The following ZNF423 variants were observed in gnomAD, a reference collection of about 807,000 sequenced individuals.
ZNF423 encodes the protein zinc finger protein 423, also known as Ebf-associated zinc finger protein.
In ZNF423, 12 loss-of-function variants were observed where a neutral mutation model predicts 95.8. The ratio of observed to expected loss-of-function variants is 0.13; its 90% CI spans 0.08 to 0.20. The LOEUF (loss-of-function observed/expected upper bound fraction) is 0.20. Among genes scored for constraint, ZNF423 ranks in the 10% least tolerant of loss-of-function variants. The pLI, the probability that ZNF423 is intolerant of heterozygous loss-of-function variation, is 1.00. For synonymous variants in ZNF423, 749 were observed against 711.9 expected (o/e 1.05, Z -0.83); for missense variants, 1,316 against 1,737.1 (o/e 0.76, Z 4.31).
chr16:49,854,865 C>G, intron 1 of ZNF423: 1 of 985,380 alleles, frequency 1.0e-6, no homozygotes, highest in South Asian at 4.7e-5. Flanking sequence ...TCCCCACAAA[C>G]GCGCGCACCC....
chr16:49,718,111 A>G (rs1016019836), intron 3 of ZNF423, among the ~76,000 whole-genome samples: 1 of 152,162 alleles, frequency 6.6e-6, no homozygotes, highest in African/African-American at 2.4e-5. Context: ...CCCAGCACAC[A>G]GTAGATGCTT....
intron 1 of ZNF423, among the ~76,000 whole-genome samples, chr16:49,791,621 G>C (rs530912512): frequency 6.6e-6 from 1 of 152,178 alleles, no homozygotes; most frequent in African/African-American, 2.4e-5. Context: ...AAAGGTATAT[G>C]AGCTGATAAA....
chr16:49,682,855 T>C (rs2031419237), intron 3 of ZNF423, among the ~76,000 whole-genome samples: 1 of 152,214 alleles, frequency 6.6e-6, no homozygotes. Flanking sequence ...ATCTGCACTG[T>C]GTATTGGCGG....
intron 5 of ZNF423, among the ~76,000 whole-genome samples, chr16:49,548,268 A>T (rs1037445152): frequency 5.9e-5 from 9 of 152,200 alleles, no homozygotes; most frequent in Non-Finnish European, 1.0e-4. Context: ...ATTTATCAAC[A>T]TTATTATATA....
chr16:49,678,020 T>A (rs1402769281), intron 3 of ZNF423, among the ~76,000 whole-genome samples: 5 of 151,866 alleles, frequency 3.3e-5, no homozygotes, highest in Admixed American at 3.3e-4. Context: ...CTGTCTCTAC[T>A]AAAAAGACAA....
intron 1 of ZNF423, among the ~76,000 whole-genome samples, chr16:49,801,948 A>G (rs9932035): frequency 0.33 from 50,154 of 151,950 alleles, 8,455 homozygotes; most frequent in Non-Finnish European, 0.36. Context: ...TCCTGGGCTC[A>G]AGTGATCCTC....
At chr16:49,680,596 T>C (rs1020314101) in intron 3 of ZNF423, among the ~76,000 whole-genome samples, 8 of 152,188 alleles carry the variant, frequency 5.3e-5, no homozygotes, top group African/African-American at 1.9e-4. Context: ...CGGACACCAC[T>C]GCATTCCCCA....
intron 7 of ZNF423, among the ~76,000 whole-genome samples, chr16:49,496,989 A>G (rs1347619987): frequency 1.3e-5 from 2 of 152,174 alleles, no homozygotes; most frequent in Non-Finnish European, 2.9e-5. Context: ...AACAATCCCG[A>G]GATGGCTGAA....
At chr16:49,595,767 AT>A (rs932318575) in intron 5 of ZNF423, among the ~76,000 whole-genome samples, 6 of 152,332 alleles carry the variant, frequency 3.9e-5, no homozygotes, top group African/African-American at 4.8e-5. Flanking sequence ...TTTTGTCAAT[AT>A]TTTTTTATTA....
At chr16:49,513,824 G>A (rs1038715323) in intron 7 of ZNF423, among the ~76,000 whole-genome samples, 5 of 152,138 alleles carry the variant, frequency 3.3e-5, no homozygotes, top group African/African-American at 7.2e-5. Flanking sequence ...AGGAGAATCC[G>A]AGAGGCTTCT....
At chr16:49,791,296 TCAAGACC>T (rs1430496392) in intron 1 of ZNF423, among the ~76,000 whole-genome samples, 54 of 152,128 alleles carry the variant, frequency 3.5e-4, no homozygotes, top group Admixed American at 3.5e-3. Context: ...TAAATAGCAA[TCAAGACC>T]TCGTGTCAGA....
chr16:49,839,644 C>T (rs906577190), intron 1 of ZNF423, among the ~76,000 whole-genome samples: 1 of 152,170 alleles, frequency 6.6e-6, no homozygotes, highest in South Asian at 2.1e-4. Flanking sequence ...GAAACAGCCC[C>T]AAGGAACTGA....
chr16:49,856,809 C>T (rs1567374437), upstream of ZNF423, among the ~76,000 whole-genome samples: 1 of 148,104 alleles, frequency 6.8e-6, no homozygotes. Flanking sequence ...GGCGCGCAGC[C>T]GATCCCCAGG....
intron 3 of ZNF423, among the ~76,000 whole-genome samples, chr16:49,709,968 T>A (rs1480564364): frequency 6.6e-6 from 1 of 151,972 alleles, no homozygotes; most frequent in Non-Finnish European, 1.5e-5. Flanking sequence ...ATCAGGGAGG[T>A]TGCTACTGGC....
intron 5 of ZNF423, among the ~76,000 whole-genome samples, chr16:49,601,857 G>T (rs1165453872): frequency 1.3e-5 from 2 of 152,340 alleles, no homozygotes; most frequent in Middle Eastern, 3.4e-3. Context: ...AAACAGATGG[G>T]CAGCCTCAGG....
At chr16:49,790,024 C>T (rs1015593321) in intron 1 of ZNF423, among the ~76,000 whole-genome samples, 1 of 152,182 alleles carries the variant, frequency 6.6e-6, no homozygotes, top group Non-Finnish European at 1.5e-5. Flanking sequence ...ACCCAGGACC[C>T]CACAGAACCA....
At chr16:49,646,197 G>C (rs1973163415) in intron 3 of ZNF423, among the ~76,000 whole-genome samples, 2 of 152,212 alleles carry the variant, frequency 1.3e-5, no homozygotes, top group South Asian at 2.1e-4. Flanking sequence ...GGTAATAAGA[G>C]CTGCAAGACC....
Position 49,492,994 on chromosome 16 carries a change from A to C in ZNF423, c.3850-1690T>G, listed in dbSNP as rs1359121750. On this transcript the variant is annotated intron_variant, in intron 7 of 7. Coordinates refer to ENST00000563137, the MANE Select transcript of ZNF423 (RefSeq NM_001379286.1). The surrounding 1 kb of genome is among the most constrained non-coding windows in gnomAD (Gnocchi z 4.2). ...CGCATTCTGCACCAGACACAGTGCC[A>C]CCTCTGCCGGCCGGGCCTGACACCT... Among the ~76,000 whole-genome samples the C allele has an allele frequency of 2.0e-5, 3 of 151,958 alleles. No homozygotes were observed. The East Asian group carries it at 5.8e-4, about 30-fold the overall frequency.
rs1734149926 is a variant in ZNF423 at position 49,488,985 on chromosome 16, C to T, written c.*2290G>A. On this transcript the variant is annotated 3_prime_UTR_variant, in exon 8 of 8. Coordinates refer to ENST00000563137, the MANE Select transcript of ZNF423 (RefSeq NM_001379286.1). ...TTGTCACCGCCATAAACCTCATTAC[C>T]TCACGGTCCCCTAGGCCGCCTCTCT... The T allele has an allele frequency of 6.6e-6, 1 of 152,262 alleles. No homozygotes were observed. The highest frequency in any genetic ancestry group is 2.4e-5 in the African/African-American group (1 of 41,422). The allele number at this position is 152,262 out of a possible 1,614,324, so 9.4% of individuals were successfully genotyped here.
Sources: allele counts gnomAD v4.1 joint callset (sites outside exome capture counted in the v4.1 genomes callset), GRCh38; gene constraint gnomAD v4.1.1; non-coding constraint Gnocchi (gnomAD v3.1); transcripts MANE v1.5; gene names NCBI Gene and HGNC (gene_info 2026-07-23, HGNC 2026-07-21).